CNTNAP2: variants seen among roughly 807,000 people sequenced by gnomAD.
The protein encoded by CNTNAP2 is contactin associated protein 2.
Under a neutral mutation model 155.2 loss-of-function variants are expected in CNTNAP2, and 98 were observed. The ratio of observed to expected loss-of-function variants is 0.63; its 90% CI spans 0.54 to 0.75. The LOEUF is 0.75. Among genes scored for constraint, CNTNAP2 ranks in the 30% least tolerant of loss-of-function variants. The probability of loss-of-function intolerance (pLI) is 0.00; values close to 1 mark genes in which losing one functional copy is unlikely to be tolerated. For synonymous variants in CNTNAP2, 651 were observed against 631.2 expected, an observed-to-expected ratio of 1.03 and a Z score of -0.47; for missense variants, 1,727 against 1,688.1, an observed-to-expected ratio of 1.02 and a Z score of -0.40.
chr7:146,235,884 T>C (rs2116920782), intron 1 of CNTNAP2, among the ~76,000 whole-genome samples: 1 of 152,250 alleles, frequency 6.6e-6, no homozygotes, highest in Non-Finnish European at 1.5e-5. Flanking sequence ...CATAGACTTG[T>C]CTTATAACCA....
intron 14 of CNTNAP2, among the ~76,000 whole-genome samples, chr7:147,926,367 A>G (rs561322598): frequency 1.2e-4 from 19 of 152,344 alleles, no homozygotes; most frequent in African/African-American, 4.6e-4. Flanking sequence ...TAATAGAAGT[A>G]TGATGAAAAT....
chr7:147,246,081 TAC>T (rs1391286785), intron 8 of CNTNAP2, among the ~76,000 whole-genome samples: 1 of 149,464 alleles, frequency 6.7e-6, no homozygotes, highest in Non-Finnish European at 1.5e-5. Flanking sequence ...TATATATATA[TAC>T]ATATATATGG....
intron 1 of CNTNAP2, among the ~76,000 whole-genome samples, chr7:146,471,873 T>TCA (rs1796804005): frequency 6.6e-6 from 1 of 152,106 alleles, no homozygotes; most frequent in South Asian, 2.1e-4. Flanking sequence ...GATCCATAAA[T>TCA]CACTTTTTTT....
chr7:147,463,762 G>A (rs920375419), intron 10 of CNTNAP2, among the ~76,000 whole-genome samples: 4 of 151,980 alleles, frequency 2.6e-5, no homozygotes, highest in Non-Finnish European at 2.9e-5. Flanking sequence ...CCTTCCAAAC[G>A]GAATAGCAGG....
At chr7:147,458,417 A>G (rs1187360515) in intron 10 of CNTNAP2, among the ~76,000 whole-genome samples, 1 of 152,088 alleles carries the variant, frequency 6.6e-6, no homozygotes, top group Non-Finnish European at 1.5e-5. Context: ...CTGTGTTGAT[A>G]ACATGATATA....
intron 13 of CNTNAP2, among the ~76,000 whole-genome samples, chr7:147,725,871 A>G (rs531737219): frequency 1.6e-4 from 24 of 152,132 alleles, no homozygotes; most frequent in African/African-American, 5.8e-4. Flanking sequence ...CAAGTGAGGA[A>G]CTAGGAGGAG....
intron 1 of CNTNAP2, among the ~76,000 whole-genome samples, chr7:146,119,765 T>G (rs1797536586): frequency 6.6e-6 from 1 of 152,140 alleles, no homozygotes; most frequent in South Asian, 2.1e-4. Flanking sequence ...AGTAGAACTA[T>G]TAACCTATAA....
intron 15 of CNTNAP2, among the ~76,000 whole-genome samples, chr7:147,993,329 A>G (rs1376360988): frequency 6.6e-6 from 1 of 152,236 alleles, no homozygotes; most frequent in Non-Finnish European, 1.5e-5. Flanking sequence ...TTTGTTACTT[A>G]GGTATCTTTA....
At chr7:147,048,614 T>C (rs1467318826) in intron 4 of CNTNAP2, among the ~76,000 whole-genome samples, 4 of 152,208 alleles carry the variant, frequency 2.6e-5, no homozygotes, top group Admixed American at 2.0e-4. Context: ...ATGTAGATGT[T>C]GTCAATATGC....
chr7:146,929,509 G>A (rs1796696159), intron 3 of CNTNAP2, among the ~76,000 whole-genome samples: 1 of 152,138 alleles, frequency 6.6e-6, no homozygotes, highest in Non-Finnish European at 1.5e-5. Context: ...CAGAAAAACT[G>A]GAAACTCTGA....
chr7:146,907,864 TAA>T (rs1234661854), intron 3 of CNTNAP2, among the ~76,000 whole-genome samples: 1 of 152,134 alleles, frequency 6.6e-6, no homozygotes, highest in Non-Finnish European at 1.5e-5. Flanking sequence ...GCAAGTTGGA[TAA>T]AGAGTCAAGA....
chr7:146,669,189 C>G (rs1354504273), intron 1 of CNTNAP2, among the ~76,000 whole-genome samples: 2 of 152,234 alleles, frequency 1.3e-5, no homozygotes, highest in Non-Finnish European at 2.9e-5. Flanking sequence ...TTTGACTGCA[C>G]AGTGGCTTTG....
chr7:147,001,416 G>A lies in CNTNAP2; in HGVS notation c.403-42491G>A, dbSNP rs13437838. Among the ~76,000 whole-genome samples, 208 of 152,044 alleles carry A rather than the reference G, an allele frequency of 1.4e-3. 1 individual carries two copies. The highest frequency in any genetic ancestry group is 4.8e-3 in the African/African-American group (200 of 41,484). On this transcript the variant is annotated intron_variant, in intron 3 of 23. Coordinates refer to ENST00000361727, the MANE Select transcript of CNTNAP2 (RefSeq NM_014141.6). ...ACACGCATCTTTTAATTATTTTACA[G>A]ATGAGTAAAAGAATCAAATGTGAAT...
intron 13 of CNTNAP2, among the ~76,000 whole-genome samples, chr7:147,832,409 ACT>A (rs1328409397): frequency 2.0e-5 from 3 of 146,776 alleles, no homozygotes; most frequent in Admixed American, 6.9e-5. Flanking sequence ...AGGCTTAATA[ACT>A]CTGAGTCAAA....
chr7:147,062,993 A>G (rs759819932), intron 4 of CNTNAP2, among the ~76,000 whole-genome samples: 10 of 152,232 alleles, frequency 6.6e-5, no homozygotes, highest in Non-Finnish European at 1.0e-4. Flanking sequence ...AAAGCAGAAT[A>G]GAAGACTGGA....
chr7:147,914,149 C>T (rs191003785), intron 14 of CNTNAP2, among the ~76,000 whole-genome samples: 9 of 151,568 alleles, frequency 5.9e-5, no homozygotes, highest in Admixed American at 5.3e-4. Context: ...GAAGTAGATA[C>T]ATAAACACTT....
rs1797740599 is a variant in CNTNAP2, at chr7:147,446,386, G to GA, written c.1671-39549_1671-39548insA. 4.6e-5 allele frequency among the ~76,000 whole-genome samples: 7 copies of GA among 152,256 alleles called. No individual in the cohort carries two copies. In the South Asian group the frequency reaches 1.5e-3, roughly 32 times the overall value. ...TTTCTTCTTGCTTTTAGCTGGGAGA[G>GA]TCCTTAAGTGTATCACTGAAAGTGG... On this transcript the variant is annotated intron_variant, in intron 10 of 23. Transcript: ENST00000361727.
intron 1 of CNTNAP2, among the ~76,000 whole-genome samples, chr7:146,470,302 C>G (rs937449026): frequency 2.4e-4 from 37 of 151,948 alleles, no homozygotes; most frequent in African/African-American, 8.2e-4. Context: ...ACCAAGGCAG[C>G]TGAAGATGCA....
At chr7:147,708,008 T>A (rs960399124) in intron 13 of CNTNAP2, among the ~76,000 whole-genome samples, 4 of 151,984 alleles carry the variant, frequency 2.6e-5, no homozygotes, top group Non-Finnish European at 4.4e-5. Flanking sequence ...GAGCCAGGAC[T>A]GGTGGACCTG....
Sources: allele counts gnomAD v4.1 joint callset (sites outside exome capture counted in the v4.1 genomes callset), GRCh38; gene constraint gnomAD v4.1.1; transcripts MANE v1.5; gene names NCBI Gene and HGNC (gene_info 2026-07-23, HGNC 2026-07-21).